The following TMEM61 variants were observed in gnomAD, a reference collection of about 807,000 sequenced individuals.
TMEM61 encodes the protein transmembrane protein 61.
A neutral mutation model predicts 12.0 loss-of-function variants in TMEM61; 13 were observed. The observed-to-expected ratio is 1.08, with a 90% CI of 0.70 to 1.72. TMEM61 has a LOEUF of 1.72. Among genes scored for constraint, TMEM61 ranks in the 40% most tolerant of loss-of-function variants. TMEM61 has a pLI of 0.00. For synonymous variants in TMEM61, 109 were observed against 121.4 expected (o/e 0.90, Z 0.67); for missense variants, 249 against 276.9 (o/e 0.90, Z 0.71).
intron 1 of TMEM61, among the ~76,000 whole-genome samples, chr1:54,983,128 T>TTTTTTTTTTTTTTTAAAG: frequency 6.9e-6 from 1 of 144,864 alleles, no homozygotes. Context: ...TTTTGTTTTT[T>TTTTTTTTTTTTTTTAAAG]TTTGAGAAAG....
intron 2 of TMEM61, among the ~76,000 whole-genome samples, chr1:54,986,669 G>A (rs1356836896): frequency 6.6e-6 from 1 of 152,166 alleles, no homozygotes; most frequent in Non-Finnish European, 1.5e-5. Context: ...AGTAGGTAGT[G>A]CTGTGTGAGA....
intron 1 of TMEM61, 94 bp from the exon 2 acceptor site, chr1:54,986,003 G>T: frequency 1.7e-6 from 2 of 1,145,832 alleles, no homozygotes; most frequent in Non-Finnish European, 2.4e-6. Flanking sequence ...CTTCTCCAAG[G>T]TTGTACAGTG....
chr1:54,985,719 C>T (rs74072387), intron 1 of TMEM61, among the ~76,000 whole-genome samples: 6,590 of 152,246 alleles, frequency 0.043, 451 homozygotes, highest in African/African-American at 0.15. Context: ...AACCCTGATC[C>T]TGGCAGGCCT....
Position 54,980,958 on chromosome 1 carries a change from G to C in TMEM61, c.-108G>C, listed in dbSNP as rs1029088001. ...TAACACCCGCGCCTCCTGCAGACCC[G>C]AGGGTCGCCGCTGGTAGGGTCGCTC... is the stretch of plus-strand genomic sequence containing the variant. On this transcript the variant is annotated 5_prime_UTR_variant, in exon 1 of 3. Transcript: ENST00000371268. 12 of 1,274,594 alleles carry C rather than the reference G, an allele frequency of 9.4e-6. No individual in the cohort carries two copies. The East Asian group carries it at 3.4e-4, about 36-fold the overall frequency. The allele number at this position is 1,274,594 out of a possible 1,614,324, so 79.0% of individuals were successfully genotyped here. A position where few individuals can be genotyped will look rare whatever the true frequency, so the allele number is the denominator to read the frequency against.
At chr1:54,988,002 T>C (rs942046227) in intron 2 of TMEM61, among the ~76,000 whole-genome samples, 1 of 152,260 alleles carries the variant, frequency 6.6e-6, no homozygotes, top group Admixed American at 6.5e-5. Context: ...GCATCCATGA[T>C]TCAACCAACC....
chr1:54,986,571 G>C, intron 2 of TMEM61, 125 bp downstream of exon 2: 1 of 873,158 alleles, frequency 1.1e-6, no homozygotes. Context: ...ATCAGGCTTT[G>C]CCCTGTGTCC....
chr1:54,992,286 A>T lies in TMEM61; in HGVS notation c.*183A>T. The stretch of plus-strand genomic sequence containing the variant: ...GGCTTAAAATAAATCCCATTTTATT[A>T]TGTCTCACGACTCTATGAGTTGCCT... On this transcript the variant is annotated 3_prime_UTR_variant, in exon 3 of 3. Coordinates refer to ENST00000371268, the MANE Select transcript of TMEM61 (RefSeq NM_182532.3). The T allele has an allele frequency of 2.7e-6, 2 of 730,436 alleles. No homozygotes were observed. The highest frequency in any genetic ancestry group is 1.8e-5 in the African/African-American group (1 of 56,260). 45.2% of individuals were successfully genotyped at this position (730,436 alleles called of 1,614,324 possible).
At chr1:54,988,931 C>CT (rs753640915) in intron 2 of TMEM61, among the ~76,000 whole-genome samples, 42 of 152,214 alleles carry the variant, frequency 2.8e-4, no homozygotes, top group Admixed American at 1.3e-4. Flanking sequence ...GTTACTTAGA[C>CT]TCTCTGAGGC....
Position 54,986,470 on chromosome 1 carries a change from C to T in TMEM61, c.365+24C>T, listed in dbSNP as rs542829571. The stretch of plus-strand genomic sequence containing the variant: ...AGGTCAGCAGGGCGGGGTGTGGCAG[C>T]GGGTGGGGACTGCAGGTAGGGGCCC... On this transcript the variant is annotated intron_variant, in intron 2 of 2. Transcript: ENST00000371268. 1.7e-4 allele frequency: 258 copies of T among 1,517,566 alleles called. 7 individuals are homozygous for T. The South Asian group carries it at 2.9e-3, about 17-fold the overall frequency. 94.0% of individuals were successfully genotyped at this position (1,517,566 alleles called of 1,614,324 possible).
chr1:54,986,767 A>G (rs1363190447), intron 2 of TMEM61, among the ~76,000 whole-genome samples: 1 of 152,132 alleles, frequency 6.6e-6, no homozygotes, highest in Non-Finnish European at 1.5e-5. Context: ...GGGACAGAAT[A>G]GCAGAGGGTT....
At position 54,991,986 on chromosome 1, in the gene TMEM61, G is replaced by A. The variant is rs868227274; in HGVS notation, c.516G>A (p.Trp172Ter). The A allele has an allele frequency of 6.2e-7, 1 of 1,614,148 alleles. No homozygotes were observed. Among genetic ancestry groups the A allele is most frequent in the Non-Finnish European group, 8.5e-7 (1 of 1,180,036 alleles). ...CCCTGCTCAGCACCCAGCCCGCCTG[G>A]CCTCCACCCAGCTATGAGAGCATCA... ...RDALLSTQPAWPPPSYESISL... is the reference protein window; with the variant it reads ...RDALLSTQPA The change falls in exon 3 of 3, where the codon TGG becomes TGA. Residue 172 changes from tryptophan (W) to a stop codon, truncating the protein, a stop_gained. Coordinates refer to ENST00000371268, the MANE Select transcript of TMEM61 (RefSeq NM_182532.3). LOFTEE classifies it low-confidence loss of function (END_TRUNC).
At chr1:54,991,257 T>G (rs2495514) in intron 2 of TMEM61, among the ~76,000 whole-genome samples, 122,242 of 152,134 alleles carry the variant, frequency 0.8, 49,282 homozygotes, top group Admixed American at 0.84. Context: ...AGTCACAGGA[T>G]AGCAAACTGT....
chr1:54,982,975 A>G (rs566254383), intron 1 of TMEM61, among the ~76,000 whole-genome samples: 13 of 152,002 alleles, frequency 8.6e-5, no homozygotes, highest in African/African-American at 2.4e-4. Context: ...GCCCAGCCTG[A>G]TAAATGCACA....
intron 1 of TMEM61, among the ~76,000 whole-genome samples, chr1:54,981,596 C>T (rs557017150): frequency 6.6e-6 from 1 of 152,210 alleles, no homozygotes. Context: ...CCAGCCTGGG[C>T]AACAGAGCAA....
chr1:54,987,153 G>C (rs1052522459), intron 2 of TMEM61, among the ~76,000 whole-genome samples: 2 of 152,226 alleles, frequency 1.3e-5, no homozygotes, highest in African/African-American at 4.8e-5. Flanking sequence ...CAGAGTCTAT[G>C]CTCACGCCCA....
chr1:54,984,069 C>T (rs1644242324), intron 1 of TMEM61, among the ~76,000 whole-genome samples: 2 of 152,350 alleles, frequency 1.3e-5, no homozygotes, highest in African/African-American at 4.8e-5. Context: ...CACACACACA[C>T]ACGTGTGTTT....
chr1:54,981,057 C>G lies in TMEM61; in HGVS notation c.-9C>G. The G allele has an allele frequency of 1.3e-6, 2 of 1,580,820 alleles. No homozygotes were observed. The highest frequency in any genetic ancestry group is 1.3e-5 in the African/African-American group (1 of 74,402). On this transcript the variant is annotated 5_prime_UTR_variant, in exon 1 of 3. Transcript: ENST00000371268. The stretch of plus-strand genomic sequence containing the variant: ...GCGCGCCTGGACAGCGCCTGCTGCC[C>G]GCCTCCCGATGGCCCTGCCCCAGGT...
chr1:54,989,762 G>A (rs1317129456), intron 2 of TMEM61, among the ~76,000 whole-genome samples: 2 of 152,180 alleles, frequency 1.3e-5, no homozygotes, highest in African/African-American at 4.8e-5. Context: ...AGAACTCACC[G>A]GCACCTGTGC....
chr1:54,981,082 T>A lies in TMEM61; in HGVS notation c.15+2T>A. 6.3e-7 allele frequency: 1 copy of A among 1,587,834 alleles called. No homozygotes were observed. On this transcript the variant is annotated splice_donor_variant, in intron 1 of 2. Coordinates refer to ENST00000371268, the MANE Select transcript of TMEM61 (RefSeq NM_182532.3). LOFTEE classifies it high-confidence loss of function. ...CGCCTCCCGATGGCCCTGCCCCAGG[T>A]GGGTGGAAACGGCCTTCTCCCTCCT... is the stretch of plus-strand genomic sequence containing the variant.
Sources: gnomAD v4.1 joint callset for allele counts (sites outside exome capture counted in the v4.1 genomes callset) on GRCh38, gnomAD v4.1.1 for gene constraint, MANE v1.5 for transcripts, NCBI Gene and HGNC (gene_info 2026-07-23, HGNC 2026-07-21) for gene names.